The following WDR41 variants were observed in gnomAD, a reference collection of about 807,000 sequenced individuals.
WDR41 encodes the protein WD repeat domain 41.
Under a neutral mutation model 69.3 loss-of-function variants are expected in WDR41, and 63 were observed. That is an observed-to-expected ratio of 0.91 (90% CI 0.74 to 1.12). WDR41 has a LOEUF of 1.12. Among genes scored for constraint, WDR41 ranks in the 50% most tolerant of loss-of-function variants. The probability of loss-of-function intolerance (pLI) is 0.00; values close to 1 mark genes in which losing one functional copy is unlikely to be tolerated. For synonymous variants in WDR41, 185 were observed against 192.1 expected (o/e 0.96, Z 0.31); for missense variants, 543 against 534.5 (o/e 1.02, Z -0.16).
At chr5:77,435,244 T>TCATCCTAC (rs1209157976) in intron 12 of WDR41, among the ~76,000 whole-genome samples, 4 of 152,216 alleles carry the variant, frequency 2.6e-5, no homozygotes, top group Non-Finnish European at 2.9e-5. Context: ...GGCTATATAC[T>TCATCCTAC]CATCCTACTA....
intron 1 of WDR41, among the ~76,000 whole-genome samples, chr5:77,522,620 C>A (rs2112193454): frequency 6.6e-6 from 1 of 151,778 alleles, no homozygotes; most frequent in East Asian, 1.9e-4. Context: ...AGCCTGGCAA[C>A]AGAGCGAGAC....
chr5:77,566,529 G>GAC (rs1743632411), intron 1 of WDR41, among the ~76,000 whole-genome samples: 1 of 152,130 alleles, frequency 6.6e-6, no homozygotes, highest in African/African-American at 2.4e-5. Flanking sequence ...AGCAAGCCAA[G>GAC]ACACATATTT....
chr5:77,474,875 G>A (rs904828253), intron 2 of WDR41, among the ~76,000 whole-genome samples: 9 of 152,176 alleles, frequency 5.9e-5, no homozygotes, highest in African/African-American at 1.4e-4. Flanking sequence ...CGCAGAAGAC[G>A]GGTGATTTCT....
At chr5:77,566,533 C>T (rs1460176480) in intron 1 of WDR41, among the ~76,000 whole-genome samples, 1 of 152,164 alleles carries the variant, frequency 6.6e-6, no homozygotes, top group African/African-American at 2.4e-5. Flanking sequence ...AGCCAAGACA[C>T]ATATTTCATT....
At chr5:77,532,700 G>A (rs1187376509) in intron 1 of WDR41, among the ~76,000 whole-genome samples, 2 of 151,726 alleles carry the variant, frequency 1.3e-5, no homozygotes, top group African/African-American at 4.8e-5. Flanking sequence ...AAAGAAGAAA[G>A]ACTCAAAAGA....
chr5:77,497,011 C>T (rs1358906517), upstream of WDR41, among the ~76,000 whole-genome samples: 3 of 152,002 alleles, frequency 2.0e-5, no homozygotes, highest in Non-Finnish European at 4.4e-5. Flanking sequence ...ACAGTCTTTT[C>T]AACAATTGGT....
At position 77,481,216 on chromosome 5, in the gene WDR41, G is replaced by C. The variant is rs1801240782; in HGVS notation, c.167+8241C>G. Among the ~76,000 whole-genome samples the C allele has an allele frequency of 2.0e-5, 3 of 151,850 alleles. No homozygotes were observed. In the South Asian group the frequency reaches 6.2e-4, roughly 31 times the overall value. ...GTAGAGATGGAGTTTCACCATGTTG[G>C]GCAGGCTGGTCTCAAACTCCTTACC... On this transcript the variant is annotated intron_variant, in intron 2 of 12. Transcript: ENST00000296679.
rs1324406774 is a variant in WDR41, at chr5:77,451,321, A to C, written c.556T>G (p.Cys186Gly). The change falls in exon 7 of 13, where the codon TGT becomes GGT. Residue 186 changes from cysteine (C) to glycine (G), a missense_variant. By Grantham distance (159) the Cys-to-Gly change is radical (BLOSUM62 -3). Transcript: ENST00000296679. ...ISALVEIPKN[C>G]VVAAVGKELI... Reference sequence around the variant, plus strand: ...TCTTTGCCAACTGCTGCCACAACACAGTTCTTAGGTATTTCAACCAAAGCA... The same window carrying C: ...TCTTTGCCAACTGCTGCCACAACACCGTTCTTAGGTATTTCAACCAAAGCA... 7 of 1,613,748 alleles carry C rather than the reference A, an allele frequency of 4.3e-6. No homozygotes were observed. The South Asian group carries it at 7.7e-5, about 18-fold the overall frequency.
chr5:77,567,881 A>G (rs1743662793), intron 1 of WDR41, among the ~76,000 whole-genome samples: 1 of 151,692 alleles, frequency 6.6e-6, no homozygotes, highest in African/African-American at 2.4e-5. Flanking sequence ...TCATCCCACC[A>G]TAGTGATTCA....
At position 77,464,821 on chromosome 5, in the gene WDR41, G is replaced by C. The variant is rs1372454782; in HGVS notation, c.168-12C>G. The C allele has an allele frequency of 5.7e-6, 9 of 1,585,648 alleles. No individual in the cohort carries two copies. The African/African-American group carries it at 1.2e-4, about 21-fold the overall frequency. On this transcript the variant is annotated splice_polypyrimidine_tract_variant and intron_variant, in intron 2 of 12. Coordinates refer to ENST00000296679, the MANE Select transcript of WDR41 (RefSeq NM_018268.4). ...CAGCAGATGCAAATCTGGTTAGGGA[G>C]AAAGGGTCAAGAAAAAAAAATCACT...
At chr5:77,472,228 T>C (rs1433870551) in intron 2 of WDR41, among the ~76,000 whole-genome samples, 7 of 152,180 alleles carry the variant, frequency 4.6e-5, no homozygotes, top group Non-Finnish European at 1.0e-4. Context: ...CAACAACTCT[T>C]CATGCTAAAA....
Position 77,437,366 on chromosome 5 carries a change from GTT to G in WDR41, c.1061_1062del (p.Lys354ThrfsTer6), listed in dbSNP as rs762787840. 4 of 1,613,814 alleles carry G rather than the reference GTT, an allele frequency of 2.5e-6. No homozygotes were observed. The highest frequency in any genetic ancestry group is 2.5e-6 in the Non-Finnish European group (3 of 1,179,900). Reference protein sequence around the residue: ...GSVRIWELREKQQLAAEPVPT... With the variant: ...GSVRIWELREXQQLAAEPVPT... ...GGTACAGGCTCAGCTGCAAGCTGCT[GTT>G]TTTCTCTTAACTCCCAAATGCGTAC... On this transcript the variant is annotated frameshift_variant, in exon 11 of 13. Transcript: ENST00000296679. LOFTEE classifies it high-confidence loss of function.
intron 1 of WDR41, among the ~76,000 whole-genome samples, chr5:77,613,556 A>C (rs918492246): frequency 1.3e-5 from 2 of 152,208 alleles, no homozygotes; most frequent in African/African-American, 4.8e-5. Context: ...AGGATTCCCT[A>C]TTTAATAAAT....
intron 8 of WDR41, among the ~76,000 whole-genome samples, chr5:77,448,210 G>A (rs1799465257): frequency 6.6e-6 from 1 of 152,134 alleles, no homozygotes; most frequent in Admixed American, 6.5e-5. Flanking sequence ...GCTTTTCTCA[G>A]CAGCCCTGGG....
At chr5:77,493,826 G>A (rs1325788939), upstream of WDR41, among the ~76,000 whole-genome samples, 1 of 151,992 alleles carries the variant, frequency 6.6e-6, no homozygotes, top group Non-Finnish European at 1.5e-5. Flanking sequence ...CATTCTTTAG[G>A]GTTTGCCCCA....
At chr5:77,601,511 T>A (rs76839871) in intron 1 of WDR41, among the ~76,000 whole-genome samples, 13 of 152,324 alleles carry the variant, frequency 8.5e-5, no homozygotes, top group African/African-American at 3.1e-4. Context: ...ATAAATGAAG[T>A]ACTTAGACTG....
intron 4 of WDR41, among the ~76,000 whole-genome samples, chr5:77,461,304 T>C (rs891486770): frequency 6.6e-6 from 1 of 152,320 alleles, no homozygotes; most frequent in African/African-American, 2.4e-5. Flanking sequence ...TATGTGTGTA[T>C]GTATATATGT....
chr5:77,553,321 C>T (rs1438093686), intron 1 of WDR41, among the ~76,000 whole-genome samples: 2 of 152,166 alleles, frequency 1.3e-5, no homozygotes, highest in African/African-American at 4.8e-5. Context: ...GCTGCATCCT[C>T]TTGAGGGGAC....
At chr5:77,579,757 T>C (rs139688487) in intron 1 of WDR41, among the ~76,000 whole-genome samples, 1,856 of 152,334 alleles carry the variant, frequency 0.012, 15 homozygotes, top group Non-Finnish European at 0.021. Context: ...AATTATGTAA[T>C]CAGAAAAGAA....
Sources: gnomAD v4.1 joint callset for allele counts (sites outside exome capture counted in the v4.1 genomes callset) on GRCh38, gnomAD v4.1.1 for gene constraint, MANE v1.5 for transcripts, NCBI Gene and HGNC (gene_info 2026-07-23, HGNC 2026-07-21) for gene names.